The following SLC24A2 variants were observed in gnomAD, a reference collection of about 807,000 sequenced individuals.
SLC24A2 encodes sodium/potassium/calcium exchanger 2.
In SLC24A2, 36 loss-of-function variants were observed where a neutral mutation model predicts 62.0. The ratio of observed to expected loss-of-function variants is 0.58; its 90% CI spans 0.44 to 0.77. SLC24A2 has a LOEUF of 0.77. Ranked by LOEUF, SLC24A2 falls within the 30% of genes least tolerant of loss-of-function variation. The probability of loss-of-function intolerance (pLI) is 0.00; values close to 1 mark genes in which losing one functional copy is unlikely to be tolerated. For missense variants in SLC24A2, 846 were observed against 817.9 expected, an observed-to-expected ratio of 1.03 and a Z score of -0.42; for synonymous variants, 358 against 294.0, an observed-to-expected ratio of 1.22 and a Z score of -2.23.
chr9:19,684,888 T>G (rs564590216), intron 2 of SLC24A2, among the ~76,000 whole-genome samples: 1 of 152,132 alleles, frequency 6.6e-6, no homozygotes, highest in South Asian at 2.1e-4. Flanking sequence ...GGCATCCAAA[T>G]AGGAAGACAG....
At chr9:20,051,941 T>C in the SLC24A2 span, among the ~76,000 whole-genome samples, 3 of 152,096 alleles carry the variant, frequency 2.0e-5, no homozygotes, top group Non-Finnish European at 4.4e-5. Flanking sequence ...TTTTCTCATA[T>C]GTAAACTCTG....
the SLC24A2 span, among the ~76,000 whole-genome samples, chr9:20,117,520 C>T: frequency 2.0e-5 from 3 of 152,086 alleles, no homozygotes; most frequent in Non-Finnish European, 4.4e-5. Flanking sequence ...GAAGAAAATT[C>T]ACCTTTTTAA....
intron 9 of SLC24A2, among the ~76,000 whole-genome samples, chr9:19,525,567 C>A (rs1298829637): frequency 1.3e-5 from 2 of 151,314 alleles, no homozygotes; most frequent in African/African-American, 4.9e-5. Context: ...CCATGGCCAG[C>A]TAATTTTTTG....
the SLC24A2 span, among the ~76,000 whole-genome samples, chr9:20,230,770 G>T: frequency 6.6e-6 from 1 of 152,068 alleles, no homozygotes; most frequent in East Asian, 1.9e-4. Flanking sequence ...GGCTTTTGTT[G>T]CCATTGCTTT....
the SLC24A2 span, among the ~76,000 whole-genome samples, chr9:20,106,734 C>G: frequency 1.3e-5 from 2 of 152,110 alleles, no homozygotes; most frequent in Non-Finnish European, 2.9e-5. Context: ...AAACCCACAG[C>G]CAATACCATA....
intron 2 of SLC24A2, among the ~76,000 whole-genome samples, chr9:19,702,148 G>T (rs1262547389): frequency 6.6e-6 from 1 of 152,292 alleles, no homozygotes; most frequent in Middle Eastern, 3.4e-3. Context: ...CTGTGAACTT[G>T]CTTTGAGTTC....
the SLC24A2 span, among the ~76,000 whole-genome samples, chr9:20,295,574 C>T: frequency 6.6e-6 from 1 of 152,142 alleles, no homozygotes; most frequent in Non-Finnish European, 1.5e-5. Context: ...TGTTGGCAGG[C>T]ACTGTCTAAT....
At chr9:19,792,524 C>G, upstream of SLC24A2, among the ~76,000 whole-genome samples, 1 of 105,630 alleles carries the variant, frequency 9.5e-6, no homozygotes, top group South Asian at 3.2e-4. Context: ...AACCCTGTCT[C>G]TACTAAAAAT....
chr9:19,645,963 T>G (rs527637537), intron 2 of SLC24A2, among the ~76,000 whole-genome samples: 26 of 152,360 alleles, frequency 1.7e-4, no homozygotes, highest in African/African-American at 6.3e-4. Flanking sequence ...CCTACCTGTG[T>G]GATCTTGGGA....
the SLC24A2 span, among the ~76,000 whole-genome samples, chr9:19,830,933 G>C: frequency 2.0e-5 from 3 of 152,194 alleles, no homozygotes; most frequent in Non-Finnish European, 4.4e-5. Flanking sequence ...CAGCAGGGTT[G>C]ATACCTATTT....
the SLC24A2 span, among the ~76,000 whole-genome samples, chr9:20,162,301 A>T: frequency 6.6e-6 from 1 of 151,772 alleles, no homozygotes; most frequent in Non-Finnish European, 1.5e-5. Context: ...TCAAAAGAGA[A>T]AACTTCATTT....
At chr9:20,084,468 T>TTTTCC in the SLC24A2 span, among the ~76,000 whole-genome samples, 10 of 151,520 alleles carry the variant, frequency 6.6e-5, no homozygotes, top group African/African-American at 2.2e-4. Context: ...TCCTTCCTTC[T>TTTTCC]TTTCCTTTCC....
At chr9:19,551,020 G>A (rs1834816214) in intron 7 of SLC24A2, among the ~76,000 whole-genome samples, 1 of 152,118 alleles carries the variant, frequency 6.6e-6, no homozygotes, top group Admixed American at 6.5e-5. Flanking sequence ...TATATAGTGT[G>A]TTGTTGCTAG....
chr9:19,560,910 TATATATA>T (rs1835360066), intron 7 of SLC24A2, among the ~76,000 whole-genome samples: 1 of 56,088 alleles, frequency 1.8e-5, no homozygotes, highest in African/African-American at 7.0e-5. Context: ...TATATATATA[TATATATA>T]GAGAGAGAGA....
the SLC24A2 span, among the ~76,000 whole-genome samples, chr9:20,071,561 C>G: frequency 6.6e-6 from 1 of 152,112 alleles, no homozygotes. Context: ...TGTTCTAATC[C>G]TCAGAATTTA....
chr9:20,188,313 G>C, the SLC24A2 span, among the ~76,000 whole-genome samples: 2 of 152,158 alleles, frequency 1.3e-5, no homozygotes, highest in African/African-American at 4.8e-5. Flanking sequence ...CACTTTCTGA[G>C]GAGTGGGCCA....
At chr9:19,572,433 T>TG (rs1221906305) in intron 7 of SLC24A2, among the ~76,000 whole-genome samples, 1 of 152,072 alleles carries the variant, frequency 6.6e-6, no homozygotes, top group Non-Finnish European at 1.5e-5. Context: ...TGATTGAATC[T>TG]GGGGGGCAGA....
At chr9:20,252,346 G>A in the SLC24A2 span, among the ~76,000 whole-genome samples, 3 of 152,124 alleles carry the variant, frequency 2.0e-5, no homozygotes, top group African/African-American at 7.2e-5. Context: ...ATGTATTCGG[G>A]GATGACACTG....
the SLC24A2 span, among the ~76,000 whole-genome samples, chr9:20,141,599 AAGC>A: frequency 6.6e-6 from 1 of 151,278 alleles, no homozygotes; most frequent in Non-Finnish European, 1.5e-5. Context: ...ATACTTGAGA[AAGC>A]CCTGCCTCAT....
Sources: gnomAD v4.1 joint callset for allele counts (sites outside exome capture counted in the v4.1 genomes callset) on GRCh38, gnomAD v4.1.1 for gene constraint, MANE v1.5 for transcripts, NCBI Gene and HGNC (gene_info 2026-07-23, HGNC 2026-07-21) for gene names.